The following CCDC88C variants were observed in gnomAD, a reference collection of about 807,000 sequenced individuals.
CCDC88C encodes the protein coiled-coil and HOOK domain protein 88C.
Under a neutral mutation model 198.8 loss-of-function variants are expected in CCDC88C, and 131 were observed. That is an observed-to-expected ratio of 0.66 (90% CI 0.57 to 0.76). The LOEUF is 0.76. Ranked by LOEUF, CCDC88C falls within the 30% of genes least tolerant of loss-of-function variation. CCDC88C has a pLI of 0.00. For synonymous variants in CCDC88C, 1,166 were observed against 1,114.7 expected (o/e 1.05, Z -0.92); for missense variants, 2,553 against 2,631.6 (o/e 0.97, Z 0.65).
At chr14:91,334,691 T>C (rs1310092272) in intron 10 of CCDC88C, among the ~76,000 whole-genome samples, 3 of 149,110 alleles carry the variant, frequency 2.0e-5, no homozygotes, top group Non-Finnish European at 1.5e-5. Context: ...CACACACTTA[T>C]TTATTAAAAG....
intron 2 of CCDC88C, among the ~76,000 whole-genome samples, chr14:91,411,878 A>C (rs981180215): frequency 2.0e-5 from 3 of 151,320 alleles, no homozygotes; most frequent in African/African-American, 7.3e-5. Flanking sequence ...CAGGAGAATC[A>C]CCTGAACCTG....
chr14:91,335,692 C>A (rs1224848359), intron 10 of CCDC88C, among the ~76,000 whole-genome samples: 1 of 152,162 alleles, frequency 6.6e-6, no homozygotes, highest in Non-Finnish European at 1.5e-5. Context: ...CCATGCTGCT[C>A]AATTAATGTC....
chr14:91,292,758 T>C (rs1890717431), intron 23 of CCDC88C, among the ~76,000 whole-genome samples: 1 of 152,114 alleles, frequency 6.6e-6, no homozygotes, highest in African/African-American at 2.4e-5. Context: ...CCACCATGGC[T>C]AGGATCCAGA....
At chr14:91,349,241 G>A (rs1280611580) in intron 4 of CCDC88C, among the ~76,000 whole-genome samples, 1 of 152,142 alleles carries the variant, frequency 6.6e-6, no homozygotes. Context: ...ATGGGAACCC[G>A]GGAAAGGAAC....
chr14:91,364,689 G>A (rs1894450359), intron 3 of CCDC88C, among the ~76,000 whole-genome samples: 1 of 152,156 alleles, frequency 6.6e-6, no homozygotes, highest in African/African-American at 2.4e-5. Context: ...AGGGGCAGCA[G>A]TTGTGTCTGC....
chr14:91,296,831 A>G (rs1160209236), intron 22 of CCDC88C, among the ~76,000 whole-genome samples: 1 of 152,096 alleles, frequency 6.6e-6, no homozygotes, highest in Non-Finnish European at 1.5e-5. Context: ...TCTCATCTGG[A>G]GAGGGTCTTG....
chr14:91,317,785 T>G (rs1596064756), intron 13 of CCDC88C, among the ~76,000 whole-genome samples: 1 of 152,016 alleles, frequency 6.6e-6, no homozygotes, highest in African/African-American at 2.4e-5. Context: ...GAGGCTGGCG[T>G]CGGGCCAGGG....
Position 91,288,506 on chromosome 14 carries a change from CA to C in CCDC88C, c.4441+598del, listed in dbSNP as rs1286611785. 6.6e-5 allele frequency among the ~76,000 whole-genome samples: 10 copies of C among 152,194 alleles called. No individual in the cohort carries two copies. In the East Asian group the frequency reaches 1.5e-3, roughly 23 times the overall value. ...CAAATCTGGCACATACGAGGCAGCC[CA>C]AAATAAGCTATGTCGCTTGTCTCTA... On this transcript the variant is annotated intron_variant, in intron 25 of 29. Coordinates refer to ENST00000389857, the MANE Select transcript of CCDC88C (RefSeq NM_001080414.4). This position sits in a 1 kb window ranked among gnomAD's most constrained non-coding sequence, Gnocchi z 4.2.
chr14:91,290,893 T>C, intron 24 of CCDC88C, 102 bp downstream of exon 24: 1 of 698,236 alleles, frequency 1.4e-6, no homozygotes, highest in South Asian at 1.7e-5. Flanking sequence ...TGTGCACAGG[T>C]GGATGGTGCG....
intron 3 of CCDC88C, among the ~76,000 whole-genome samples, chr14:91,398,478 A>AC (rs1459497278): frequency 1.3e-5 from 2 of 151,706 alleles, no homozygotes; most frequent in African/African-American, 2.4e-5. Context: ...ACACAGTGAG[A>AC]CCCCATCTCT....
intron 10 of CCDC88C, among the ~76,000 whole-genome samples, chr14:91,332,411 G>A (rs541411672): frequency 9.8e-5 from 15 of 152,306 alleles, no homozygotes; most frequent in Admixed American, 6.5e-4. Context: ...TCTTATGTAA[G>A]CTAGGCTAGG....
chr14:91,360,035 A>C (rs17803366), intron 3 of CCDC88C, among the ~76,000 whole-genome samples: 2 of 152,194 alleles, frequency 1.3e-5, no homozygotes, highest in Non-Finnish European at 2.9e-5. Context: ...GGTCTTGGAA[A>C]AAAAGGCAAT....
chr14:91,274,978 G>T (rs1387576191), intron 29 of CCDC88C, among the ~76,000 whole-genome samples: 2 of 152,122 alleles, frequency 1.3e-5, no homozygotes, highest in Non-Finnish European at 2.9e-5. Context: ...GCCACGCAGG[G>T]AGCCCCATCT....
At chr14:91,302,608 A>G (rs997953786) in intron 20 of CCDC88C, among the ~76,000 whole-genome samples, 1 of 152,202 alleles carries the variant, frequency 6.6e-6, no homozygotes, top group African/African-American at 2.4e-5. Flanking sequence ...ATTTCAATGT[A>G]AGTTTTACCT....
intron 3 of CCDC88C, among the ~76,000 whole-genome samples, chr14:91,387,496 C>T (rs1280843278): frequency 1.3e-5 from 2 of 152,142 alleles, no homozygotes; most frequent in Non-Finnish European, 2.9e-5. Context: ...TGACAGTTGC[C>T]GCCTATAAGA....
chr14:91,371,904 G>A lies in CCDC88C; in HGVS notation c.271-12193C>T, dbSNP rs17127296. Among the ~76,000 whole-genome samples the A allele has an allele frequency of 0.082, 12,480 of 152,180 alleles. 750 individuals carry two copies. Among genetic ancestry groups the A allele is most frequent in the African/African-American group, 0.17 (6,853 of 41,504 alleles). ...TGGAGGGCACCTAGGAGCCTCCAGC[G>A]GTAGATGGCAGCCCAGACCACCCCA... On this transcript the variant is annotated intron_variant, in intron 3 of 29. Transcript: ENST00000389857. The surrounding 1 kb of genome is among the most constrained non-coding windows in gnomAD (Gnocchi z 4.2).
chr14:91,404,095 C>T (rs1215347312), intron 3 of CCDC88C, among the ~76,000 whole-genome samples: 1 of 152,220 alleles, frequency 6.6e-6, no homozygotes, highest in Non-Finnish European at 1.5e-5. Flanking sequence ...CAGCAGATAT[C>T]CCATTTGAGG....
intron 3 of CCDC88C, among the ~76,000 whole-genome samples, chr14:91,405,586 A>C (rs1187106644): frequency 1.3e-5 from 2 of 152,232 alleles, no homozygotes; most frequent in Non-Finnish European, 1.5e-5. Flanking sequence ...ATATGGCAAC[A>C]ACCACAATGG....
chr14:91,355,885 T>C (rs1348423906), intron 4 of CCDC88C, among the ~76,000 whole-genome samples: 4 of 152,104 alleles, frequency 2.6e-5, no homozygotes, highest in African/African-American at 4.8e-5. Flanking sequence ...AGATGCTCTG[T>C]TGGGATCTGG....
Sources: gnomAD v4.1 joint callset for allele counts (sites outside exome capture counted in the v4.1 genomes callset) on GRCh38, gnomAD v4.1.1 for gene constraint, Gnocchi (gnomAD v3.1) non-coding constraint, MANE v1.5 for transcripts, NCBI Gene and HGNC (gene_info 2026-07-23, HGNC 2026-07-21) for gene names.